Variants in SLC12A1 observed in about 807,000 individuals in gnomAD.
The protein encoded by SLC12A1 is Na-K-2Cl cotransporter.
Under a neutral mutation model 130.4 loss-of-function variants are expected in SLC12A1, and 89 were observed. The ratio of observed to expected loss-of-function variants is 0.68; its 90% CI spans 0.58 to 0.81. SLC12A1 has a LOEUF of 0.81. Among genes scored for constraint, SLC12A1 ranks in the 40% least tolerant of loss-of-function variants. SLC12A1 has a pLI of 0.00. For missense variants in SLC12A1, 1,310 were observed against 1,336.4 expected (o/e 0.98, Z 0.31); for synonymous variants, 499 against 460.0 (o/e 1.08, Z -1.09).
At chr15:48,221,222 G>A in intron 4 of SLC12A1, 1 of 669,118 alleles carries the variant, frequency 1.5e-6, no homozygotes, top group East Asian at 2.7e-5. Context: ...GAATGCTCAA[G>A]GAGATCTCTC....
intron 17 of SLC12A1, among the ~76,000 whole-genome samples, chr15:48,263,353 T>C (rs1266311571): frequency 6.6e-6 from 1 of 152,318 alleles, no homozygotes; most frequent in East Asian, 1.9e-4. Flanking sequence ...CAAAAGGCTT[T>C]CAGGTTTACA....
At position 48,301,502 on chromosome 15, in the gene SLC12A1, T is replaced by TGCGGGGGGGGGG. The variant is rs60810487; in HGVS notation, c.3164+121_3164+122insCGGGGGGGGGGG. 5 of 434,008 alleles carry TGCGGGGGGGGGG rather than the reference T, an allele frequency of 1.2e-5. No homozygotes were observed. The African/African-American group carries it at 1.4e-4, about 12-fold the overall frequency. The allele number at this position is 434,008 out of a possible 1,614,324, so 26.9% of individuals were successfully genotyped here. A position where few individuals can be genotyped will look rare whatever the true frequency, so the allele number is the denominator to read the frequency against. On this transcript the variant is annotated intron_variant, in intron 26 of 26. Transcript: ENST00000380993. The stretch of plus-strand genomic sequence containing the variant: ...TTTTGTTTTGTTTTTGTGTTTTTTT[T>TGCGGGGGGGGGG]GGGGGGGGGAACACGTGGGATTCTT...
At chr15:48,259,455 G>A in intron 17 of SLC12A1, 144 bp downstream of exon 17, 2 of 649,316 alleles carry the variant, frequency 3.1e-6, no homozygotes. Context: ...GATTCATAGA[G>A]CAAGGACAAG....
intron 20 of SLC12A1, 51 bp downstream of exon 20, chr15:48,274,704 G>T (rs2041932476): frequency 3.9e-6 from 5 of 1,284,506 alleles, no homozygotes; most frequent in Non-Finnish European, 4.5e-6. Flanking sequence ...CACCTACTTT[G>T]TGCCTGACAT....
chr15:48,244,948 T>G, intron 11 of SLC12A1, 44 bp downstream of exon 11: 3 of 1,571,222 alleles, frequency 1.9e-6, no homozygotes, highest in Non-Finnish European at 2.6e-6. Context: ...TTATTTTCAT[T>G]TTTTGAATGT....
At chr15:48,302,401 A>C (rs549264283) in intron 26 of SLC12A1, among the ~76,000 whole-genome samples, 1 of 151,682 alleles carries the variant, frequency 6.6e-6, no homozygotes, top group East Asian at 1.9e-4. Context: ...CGGGTGGATC[A>C]TGAGGTCAGG....
At chr15:48,296,282 A>G (rs1303273524) in intron 24 of SLC12A1, among the ~76,000 whole-genome samples, 3 of 152,228 alleles carry the variant, frequency 2.0e-5, no homozygotes, top group African/African-American at 4.8e-5. Flanking sequence ...CTACCCATAA[A>G]ACATCAGTAA....
At chr15:48,291,979 G>A (rs2042126419) in intron 24 of SLC12A1, 115 bp downstream of exon 24, 1 of 669,452 alleles carries the variant, frequency 1.5e-6, no homozygotes, top group South Asian at 2.0e-5. Flanking sequence ...TTCTTGATAG[G>A]ATCTAATAAG....
At chr15:48,258,448 G>A (rs1026494986) in intron 16 of SLC12A1, among the ~76,000 whole-genome samples, 6 of 149,304 alleles carry the variant, frequency 4.0e-5, no homozygotes, top group Non-Finnish European at 7.4e-5. Context: ...ACCTCAGCCT[G>A]AACTTTATTG....
At chr15:48,241,876 G>A (rs757249011) in intron 10 of SLC12A1, among the ~76,000 whole-genome samples, 43 of 152,168 alleles carry the variant, frequency 2.8e-4, no homozygotes, top group Admixed American at 1.3e-4. Context: ...CACCCTTGAT[G>A]ATAATCCCAC....
At chr15:48,210,964 T>A (rs1308043138) in intron 2 of SLC12A1, among the ~76,000 whole-genome samples, 1 of 152,196 alleles carries the variant, frequency 6.6e-6, no homozygotes, top group African/African-American at 2.4e-5. Flanking sequence ...TTGTATCACT[T>A]TTGAAGACAT....
At chr15:48,253,641 G>A (rs891388875) in intron 15 of SLC12A1, among the ~76,000 whole-genome samples, 3 of 152,122 alleles carry the variant, frequency 2.0e-5, no homozygotes, top group African/African-American at 7.2e-5. Context: ...AGCACTTTAT[G>A]TGGACTTATG....
At chr15:48,255,476 GAATT>G (rs1220262143) in intron 15 of SLC12A1, among the ~76,000 whole-genome samples, 1 of 151,486 alleles carries the variant, frequency 6.6e-6, no homozygotes, top group East Asian at 1.9e-4. Context: ...AAGACGCTTT[GAATT>G]TATTCAGGGA....
chr15:48,216,205 C>T (rs1213374847), intron 2 of SLC12A1, among the ~76,000 whole-genome samples: 1 of 152,122 alleles, frequency 6.6e-6, no homozygotes, highest in South Asian at 2.1e-4. Flanking sequence ...CTAACTTGCA[C>T]ATATAGTGGT....
In SLC12A1 at chr15:48,207,645, T is replaced by C; in HGVS notation, c.-75T>C. Reference sequence around the variant, plus strand: ...CCTAATGGAAGCACATTAGTGTTTATTTTGATGAAGAAATATATAGATTTT... The same window carrying C: ...CCTAATGGAAGCACATTAGTGTTTACTTTGATGAAGAAATATATAGATTTT... On this transcript the variant is annotated 5_prime_UTR_variant, in exon 2 of 27. Coordinates refer to ENST00000380993, the MANE Select transcript of SLC12A1 (RefSeq NM_000338.3). 7.7e-7 allele frequency: 1 copy of C among 1,306,778 alleles called. No homozygotes were observed. Among genetic ancestry groups the C allele is most frequent in the Non-Finnish European group, 1.0e-6 (1 of 978,532 alleles). 80.9% of individuals were successfully genotyped at this position (1,306,778 alleles called of 1,614,324 possible). A position where few individuals can be genotyped will look rare whatever the true frequency, so the allele number is the denominator to read the frequency against.
intron 19 of SLC12A1, 49 bp downstream of exon 19, chr15:48,269,813 G>T: frequency 2.9e-6 from 3 of 1,026,294 alleles, no homozygotes; most frequent in South Asian, 1.3e-5. Context: ...GCACTAAGCA[G>T]GGCAGTACAT....
chr15:48,291,692 T>G (rs1445606203), intron 23 of SLC12A1, 86 bp from the exon 24 acceptor site: 5 of 817,764 alleles, frequency 6.1e-6, no homozygotes, highest in African/African-American at 1.7e-5. Flanking sequence ...CGTGATTGCT[T>G]TTGATATCTT....
intron 9 of SLC12A1, among the ~76,000 whole-genome samples, chr15:48,236,242 C>T (rs1397309222): frequency 6.6e-6 from 1 of 152,072 alleles, no homozygotes; most frequent in Admixed American, 6.5e-5. Flanking sequence ...AAAACATATG[C>T]ATTGTCCAGC....
At chr15:48,274,545 G>A (rs375364168) in intron 19 of SLC12A1, 26 bp from the exon 20 acceptor site, 9 of 1,542,282 alleles carry the variant, frequency 5.8e-6, no homozygotes, top group Middle Eastern at 1.7e-4. Context: ...CATTTAAAAC[G>A]CTGACTGCTT....
Sources: allele counts gnomAD v4.1 joint callset (sites outside exome capture counted in the v4.1 genomes callset), GRCh38; gene constraint gnomAD v4.1.1; transcripts MANE v1.5; gene names NCBI Gene and HGNC (gene_info 2026-07-23, HGNC 2026-07-21).